Variants in BSPH1 observed in about 807,000 individuals in gnomAD.
The protein encoded by BSPH1 is binder of sperm 1.
BSPH1 carries 21 observed loss-of-function variants against 22.5 expected under a neutral mutation model. The ratio of observed to expected loss-of-function variants is 0.93; its 90% CI spans 0.66 to 1.35. The LOEUF is 1.35. BSPH1 is among the 40% of genes most tolerant of loss of function. The pLI is 0.00. For missense variants in BSPH1, 141 were observed against 154.2 expected (o/e 0.91, Z 0.45); for synonymous variants, 42 against 53.6 (o/e 0.78, Z 0.95).
rs563764422 is a variant in BSPH1 at position 47,976,588 on chromosome 19, A to C, written c.*2+122T>G. ...ACCTTCAACTCACATCCCAGAAAAA[A>C]AAAAAAAACAAAAAAAAACCCTCTC... On this transcript the variant is annotated intron_variant, in intron 5 of 5. Transcript: ENST00000344839. 7.4e-5 allele frequency: 49 copies of C among 659,790 alleles called. 2 individuals carry two copies. The African/African-American group carries it at 8.2e-4, about 11-fold the overall frequency. The allele number at this position is 659,790 out of a possible 1,614,324, so 40.9% of individuals were successfully genotyped here.
At chr19:47,978,281 T>A (rs1969387163) in intron 3 of BSPH1, among the ~76,000 whole-genome samples, 1 of 151,904 alleles carries the variant, frequency 6.6e-6, no homozygotes, top group Non-Finnish European at 1.5e-5. Flanking sequence ...ATTTTTAAAT[T>A]TTTTGTAGAG....
chr19:47,973,026 G>A (rs1029035063), intron 5 of BSPH1, among the ~76,000 whole-genome samples: 1 of 151,762 alleles, frequency 6.6e-6, no homozygotes, highest in Non-Finnish European at 1.5e-5. Flanking sequence ...GACCATCCTG[G>A]CTAACACGGT....
rs1224972037 is a variant in BSPH1 at position 47,984,829 on chromosome 19, C to A, written c.74-3888G>T. Among the ~76,000 whole-genome samples the A allele has an allele frequency of 3.9e-5, 6 of 152,152 alleles. No individual in the cohort carries two copies. The East Asian group carries it at 1.2e-3, about 29-fold the overall frequency. The stretch of plus-strand genomic sequence containing the variant: ...CAGTGGCTCATGCCTGTAATCCCAG[C>A]ACTTTGGGAAGCTGAGGTGGACTGA... On this transcript the variant is annotated intron_variant, in intron 1 of 5. Transcript: ENST00000344839.
chr19:47,992,097 T>A lies in BSPH1; in HGVS notation c.-16A>T. The A allele has an allele frequency of 1.9e-6, 3 of 1,547,838 alleles. No individual in the cohort carries two copies. Among genetic ancestry groups the A allele is most frequent in the Non-Finnish European group, 2.6e-6 (3 of 1,143,720 alleles). On this transcript the variant is annotated 5_prime_UTR_variant, in exon 1 of 6. Transcript: ENST00000344839. ...GGGAGCCCATGGGCAGTCACAGGCT[T>A]CCCGGTATCTCAGATCTTCCTGGTC... is the stretch of plus-strand genomic sequence containing the variant.
chr19:47,988,253 T>C (rs958615610), intron 1 of BSPH1, among the ~76,000 whole-genome samples: 4 of 152,192 alleles, frequency 2.6e-5, no homozygotes, highest in Non-Finnish European at 5.9e-5. Flanking sequence ...ACTGTAATAG[T>C]ACTTTTGGTA....
chr19:47,975,902 G>T (rs188933732), intron 5 of BSPH1, among the ~76,000 whole-genome samples: 2 of 152,050 alleles, frequency 1.3e-5, no homozygotes, highest in Non-Finnish European at 2.9e-5. Context: ...TGATCCACCC[G>T]CCTCGACCTC....
At chr19:47,971,152 CCTTTCCAG>C (rs1270438219) in intron 5 of BSPH1, among the ~76,000 whole-genome samples, 1 of 152,108 alleles carries the variant, frequency 6.6e-6, no homozygotes, top group African/African-American at 2.4e-5. Flanking sequence ...GCTCTTCCTA[CCTTTCCAG>C]CGATTTTGTG....
chr19:47,970,014 T>TGAGA (rs1323046141), intron 5 of BSPH1, among the ~76,000 whole-genome samples: 14 of 150,156 alleles, frequency 9.3e-5, no homozygotes, highest in Non-Finnish European at 1.9e-4. Context: ...TTTGTGTGTG[T>TGAGA]GTGAGAGAGA....
At position 47,975,026 on chromosome 19, in the gene BSPH1, A is replaced by G. The variant is rs536639799; in HGVS notation, c.*2+1684T>C. 1.3e-4 allele frequency among the ~76,000 whole-genome samples: 20 copies of G among 152,202 alleles called. No homozygotes were observed. In the South Asian group the frequency reaches 3.9e-3, roughly 30 times the overall value. ...ACATATGAATCCCCTCAAATCTACAAATCTGCTTATATCCACATGCACTTA... is the reference window on the plus strand; with the variant it reads ...ACATATGAATCCCCTCAAATCTACAGATCTGCTTATATCCACATGCACTTA... On this transcript the variant is annotated intron_variant, in intron 5 of 5. Coordinates refer to ENST00000344839, the MANE Select transcript of BSPH1 (RefSeq NM_001128326.2).
At chr19:47,972,992 T>C (rs1036622763) in intron 5 of BSPH1, among the ~76,000 whole-genome samples, 1 of 150,438 alleles carries the variant, frequency 6.6e-6, no homozygotes, top group Admixed American at 6.7e-5. Flanking sequence ...CCGAGGCGGG[T>C]GGATCACGAG....
chr19:47,976,803 T>G lies in BSPH1; in HGVS notation c.308A>C (p.Glu103Ala). The G allele has an allele frequency of 1.5e-5, 24 of 1,551,562 alleles. No individual in the cohort carries two copies. Among genetic ancestry groups the G allele is most frequent in the Non-Finnish European group, 2.0e-5 (23 of 1,146,886 alleles). The change falls in exon 5 of 6, where the codon GAG (glutamate) becomes GCG (alanine). Residue 103 changes from glutamate (E) to alanine (A), a missense_variant. Glu to Ala is a moderately radical substitution (Grantham distance 107, BLOSUM62 -1). Coordinates refer to ENST00000344839, the MANE Select transcript of BSPH1 (RefSeq NM_001128326.2). ...AAATGCTTCCCCATCATCAGTACACTCCCAGTAGATCAAGCGTCTGTACCA... is the reference window on the plus strand; with the variant it reads ...AAATGCTTCCCCATCATCAGTACACGCCCAGTAGATCAAGCGTCTGTACCA... ...PFWYRRLIYW[E>A]CTDDGEAFGK...
chr19:47,991,557 G>GTCTCC (rs1183921643), intron 1 of BSPH1, among the ~76,000 whole-genome samples: 1 of 25,882 alleles, frequency 3.9e-5, no homozygotes, highest in Non-Finnish European at 6.9e-5. Context: ...CCTCCTCCCG[G>GTCTCC]TCATCCTCCT....
At chr19:47,986,843 G>C (rs1397465080) in intron 1 of BSPH1, among the ~76,000 whole-genome samples, 3 of 152,146 alleles carry the variant, frequency 2.0e-5, no homozygotes. Flanking sequence ...CACAGATCTG[G>C]AGGCCAGAAG....
At chr19:47,977,695 C>A (rs557703658) in intron 3 of BSPH1, 191 bp from the exon 4 acceptor site, 1 of 984,924 alleles carries the variant, frequency 1.0e-6, no homozygotes, top group African/African-American at 1.7e-5. Flanking sequence ...TATATTCCTG[C>A]CCCTGCCCTA....
chr19:47,978,007 T>TATATATATATATAG (rs1291859761), intron 3 of BSPH1, among the ~76,000 whole-genome samples: 10 of 103,780 alleles, frequency 9.6e-5, no homozygotes, highest in African/African-American at 4.1e-4. Flanking sequence ...ACAGGATATA[T>TATATATATATATAG]ATATATATAT....
intron 5 of BSPH1, among the ~76,000 whole-genome samples, chr19:47,975,645 A>C: frequency 7.8e-6 from 1 of 127,740 alleles, no homozygotes. Context: ...TATTAAGGTA[A>C]TGCATTTTTT....
chr19:47,991,550 C>T (rs1163689357), intron 1 of BSPH1, among the ~76,000 whole-genome samples: 1 of 65,876 alleles, frequency 1.5e-5, no homozygotes, highest in Non-Finnish European at 3.2e-5. Flanking sequence ...TTCTTCCCCT[C>T]CTCCCGGTCA....
At chr19:47,983,572 T>A (rs1201220297) in intron 1 of BSPH1, among the ~76,000 whole-genome samples, 1 of 152,110 alleles carries the variant, frequency 6.6e-6, no homozygotes, top group Admixed American at 6.5e-5. Flanking sequence ...CCATCCTCGG[T>A]GCTATAAAAT....
intron 1 of BSPH1, among the ~76,000 whole-genome samples, chr19:47,985,190 T>C (rs1170790691): frequency 6.6e-6 from 1 of 151,774 alleles, no homozygotes; most frequent in African/African-American, 2.4e-5. Flanking sequence ...ATGTAACAAA[T>C]CTGCACATGT....
Sources: allele counts gnomAD v4.1 joint callset (sites outside exome capture counted in the v4.1 genomes callset), GRCh38; gene constraint gnomAD v4.1.1; transcripts MANE v1.5; gene names NCBI Gene and HGNC (gene_info 2026-07-23, HGNC 2026-07-21).